Variants in NRG3 observed in about 807,000 individuals in gnomAD.
The protein encoded by NRG3 is neuregulin 3.
NRG3 carries 31 observed loss-of-function variants against 66.9 expected under a neutral mutation model. The ratio of observed to expected loss-of-function variants is 0.46; its 90% CI spans 0.35 to 0.63. The LOEUF (loss-of-function observed/expected upper bound fraction) is 0.63, where lower values mean the gene tolerates loss of function less well. Ranked by LOEUF, NRG3 falls within the 20% of genes least tolerant of loss-of-function variation. The pLI, the probability that NRG3 is intolerant of heterozygous loss-of-function variation, is 0.00. For synonymous variants in NRG3, 393 were observed against 359.4 expected, an observed-to-expected ratio of 1.09 and a Z score of -1.06; for missense variants, 910 against 878.9, an observed-to-expected ratio of 1.04 and a Z score of -0.45.
chr10:82,460,941 C>A (rs963396257), intron 2 of NRG3, among the ~76,000 whole-genome samples: 1 of 152,176 alleles, frequency 6.6e-6, no homozygotes, highest in Non-Finnish European at 1.5e-5. Flanking sequence ...TGCTGTTTTT[C>A]ACATTACTCT....
At chr10:82,677,391 G>GT (rs1422515448) in intron 2 of NRG3, among the ~76,000 whole-genome samples, 1 of 152,136 alleles carries the variant, frequency 6.6e-6, no homozygotes, top group Non-Finnish European at 1.5e-5. Flanking sequence ...GTTTTGGGGA[G>GT]TTTTTTGTTT....
chr10:82,821,692 G>A (rs1285971859), intron 3 of NRG3, among the ~76,000 whole-genome samples: 1 of 152,106 alleles, frequency 6.6e-6, no homozygotes, highest in Non-Finnish European at 1.5e-5. Flanking sequence ...GGTTAGAATT[G>A]CAATACTGCA....
At position 82,069,551 on chromosome 10, in the gene NRG3, C is replaced by T. The variant is rs539451526; in HGVS notation, c.823+193388C>T. Among the ~76,000 whole-genome samples, 3 of 152,258 alleles carry T rather than the reference C, an allele frequency of 2.0e-5. No individual in the cohort carries two copies. The South Asian group carries it at 6.2e-4, about 32-fold the overall frequency. On this transcript the variant is annotated intron_variant, in intron 1 of 8. Transcript: ENST00000372141. ...TACTAATACCCAAAGTCATACGGGG[C>T]ATGAGGACAAGATTCAGACTCATGT...
At chr10:82,716,513 T>A (rs140642575) in intron 2 of NRG3, among the ~76,000 whole-genome samples, 1 of 152,284 alleles carries the variant, frequency 6.6e-6, no homozygotes. Flanking sequence ...ACATGGCAGG[T>A]GGCCCCATCG....
intron 2 of NRG3, among the ~76,000 whole-genome samples, chr10:82,516,884 A>G (rs1845709114): frequency 6.6e-6 from 1 of 152,232 alleles, no homozygotes; most frequent in Non-Finnish European, 1.5e-5. Context: ...CTGAATGCCA[A>G]AAATAAGAAG....
At chr10:81,888,692 A>C (rs1057010926) in intron 1 of NRG3, among the ~76,000 whole-genome samples, 1 of 152,090 alleles carries the variant, frequency 6.6e-6, no homozygotes, top group Non-Finnish European at 1.5e-5. Flanking sequence ...GAGGGTTCTG[A>C]CCTGGTAGAC....
At chr10:82,573,627 C>A (rs2045869702) in intron 2 of NRG3, among the ~76,000 whole-genome samples, 1 of 151,714 alleles carries the variant, frequency 6.6e-6, no homozygotes, top group Non-Finnish European at 1.5e-5. Flanking sequence ...TTGCTGTGTG[C>A]TGTGTAGTGC....
At chr10:82,709,822 C>T (rs970168375) in intron 2 of NRG3, among the ~76,000 whole-genome samples, 5 of 152,132 alleles carry the variant, frequency 3.3e-5, no homozygotes, top group African/African-American at 1.2e-4. Flanking sequence ...TGTCTGGGTC[C>T]AGGGCTTTTA....
At chr10:82,896,493 A>AT (rs1843675101) in intron 4 of NRG3, among the ~76,000 whole-genome samples, 1 of 152,200 alleles carries the variant, frequency 6.6e-6, no homozygotes, top group Non-Finnish European at 1.5e-5. Flanking sequence ...ATAAATAGCT[A>AT]TTTTCCATGA....
chr10:81,877,548 G>C (rs7921634), intron 1 of NRG3: 74,666 of 320,784 alleles, frequency 0.23, 11,408 homozygotes, highest in African/African-American at 0.48. Flanking sequence ...CTTACCCTGG[G>C]TGTTACTTAA....
At chr10:82,010,126 G>A (rs79416576) in intron 1 of NRG3, among the ~76,000 whole-genome samples, 2,013 of 152,210 alleles carry the variant, frequency 0.013, 52 homozygotes, top group African/African-American at 0.046. Flanking sequence ...TTGAGCACAC[G>A]GTGAAGGAAT....
At chr10:82,043,656 C>G (rs918289298) in intron 1 of NRG3, among the ~76,000 whole-genome samples, 1 of 151,976 alleles carries the variant, frequency 6.6e-6, no homozygotes, top group African/African-American at 2.4e-5. Flanking sequence ...GTATAACACT[C>G]TGGTCCATTT....
intron 1 of NRG3, among the ~76,000 whole-genome samples, chr10:82,151,246 A>G (rs1453114226): frequency 6.6e-6 from 1 of 152,220 alleles, no homozygotes; most frequent in East Asian, 1.9e-4. Context: ...GGCACACAGG[A>G]GTGACTAGGA....
At chr10:82,210,301 G>A (rs1383942348) in intron 1 of NRG3, among the ~76,000 whole-genome samples, 2 of 152,148 alleles carry the variant, frequency 1.3e-5, no homozygotes, top group Non-Finnish European at 2.9e-5. Context: ...CCATCTCACA[G>A]ATATTATTTG....
At chr10:82,837,926 A>G (rs1211578887) in intron 3 of NRG3, among the ~76,000 whole-genome samples, 1 of 152,178 alleles carries the variant, frequency 6.6e-6, no homozygotes, top group East Asian at 1.9e-4. Flanking sequence ...TAGTACCTGC[A>G]TGTACGCATT....
rs887878220 is a variant in NRG3, at chr10:81,898,140, C to T, written c.823+21977C>T. ...GCTAATCCTGTTAGGAGGGTGGCCCCTGGAACTAGGAAGTGGAAGTACCTC... is the reference window on the plus strand; with the variant it reads ...GCTAATCCTGTTAGGAGGGTGGCCCTTGGAACTAGGAAGTGGAAGTACCTC... On this transcript the variant is annotated intron_variant, in intron 1 of 8. Transcript: ENST00000372141. Among the ~76,000 whole-genome samples the T allele has an allele frequency of 1.2e-4, 18 of 152,230 alleles. No individual in the cohort carries two copies. In the South Asian group the frequency reaches 1.7e-3, roughly 14 times the overall value.
chr10:81,876,146 G>T lies in NRG3; in HGVS notation c.806G>T (p.Ser269Ile). The change falls in exon 1 of 9, where the codon AGC (serine) becomes ATC (isoleucine). Residue 269 changes from serine (S) to isoleucine (I), a missense_variant. Transcript: ENST00000372141. ...SSATTTTPET[S>I]TSPKFHTTTY... ...GCTACCACCACCACACCAGAAACTA[G>T]CACCAGCCCCAAATTTCGTAAGTAA... 1 of 1,592,932 alleles carries T rather than the reference G, an allele frequency of 6.3e-7. No individual in the cohort carries two copies. The highest frequency in any genetic ancestry group is 8.6e-7 in the Non-Finnish European group (1 of 1,169,484).
In NRG3 at chr10:82,351,146, G is replaced by A. The variant is rs547864525; in HGVS notation, c.824-7593G>A. Among the ~76,000 whole-genome samples the A allele has an allele frequency of 3.3e-5, 5 of 152,102 alleles. No individual in the cohort carries two copies. In the South Asian group the frequency reaches 6.2e-4, roughly 19 times the overall value. ...CCTGACCTCGAGATCTGCCCGCCTC[G>A]GCCTCCCAAAGTGCTGGGATTACAG... On this transcript the variant is annotated intron_variant, in intron 1 of 8. Coordinates refer to ENST00000372141, the MANE Select transcript of NRG3 (RefSeq NM_001010848.4).
At chr10:81,983,341 G>C (rs533192368) in intron 1 of NRG3, among the ~76,000 whole-genome samples, 1 of 152,142 alleles carries the variant, frequency 6.6e-6, no homozygotes, top group Non-Finnish European at 1.5e-5. Flanking sequence ...ATGGCCTTAC[G>C]CAATGGTGTT....
Sources: allele counts gnomAD v4.1 joint callset (sites outside exome capture counted in the v4.1 genomes callset), GRCh38; gene constraint gnomAD v4.1.1; transcripts MANE v1.5; gene names NCBI Gene and HGNC (gene_info 2026-07-23, HGNC 2026-07-21).